Variants in ABCB4 observed in about 807,000 individuals in gnomAD.
The protein encoded by ABCB4 is ATP binding cassette subfamily B member 4, also known as phosphatidylcholine translocator ABCB4.
Under a neutral mutation model 145.7 loss-of-function variants are expected in ABCB4, and 76 were observed. That is an observed-to-expected ratio of 0.52 (90% CI 0.43 to 0.63). ABCB4 has a LOEUF of 0.63. Among genes scored for constraint, ABCB4 ranks in the 30% least tolerant of loss-of-function variants. The pLI, the probability that ABCB4 is intolerant of heterozygous loss-of-function variation, is 0.00. For missense variants in ABCB4, 1,234 were observed against 1,553.1 expected, an observed-to-expected ratio of 0.79 and a Z score of 3.45; for synonymous variants, 517 against 566.8, an observed-to-expected ratio of 0.91 and a Z score of 1.25.
At chr7:87,460,620 TTGTATTTA>T (rs1562996313) in intron 4 of ABCB4, among the ~76,000 whole-genome samples, 12 of 146,344 alleles carry the variant, frequency 8.2e-5, no homozygotes, top group South Asian at 2.1e-4. Flanking sequence ...GGACACAATT[TTGTATTTA>T]TTTATTTATT....
At chr7:87,419,231 T>C (rs1254701350) in intron 19 of ABCB4, among the ~76,000 whole-genome samples, 1 of 152,240 alleles carries the variant, frequency 6.6e-6, no homozygotes, top group African/African-American at 2.4e-5. Context: ...GTTTAGGAGA[T>C]ACTGAAATAG....
At chr7:87,391,844 G>T in the ABCB4 span, 2 of 891,916 alleles carry the variant, frequency 2.2e-6, no homozygotes, top group Admixed American at 3.3e-5. Context: ...TCTTTTCTGA[G>T]GTTTTTAAAG....
intron 3 of ABCB4, among the ~76,000 whole-genome samples, chr7:87,465,161 C>T (rs1812772043): frequency 6.6e-6 from 1 of 152,158 alleles, no homozygotes; most frequent in Admixed American, 6.5e-5. Flanking sequence ...CCTGGAAAAT[C>T]GGGTCACTCT....
rs1808212901 is a variant in ABCB4 at position 87,406,553 on chromosome 7, AG to A, written c.3280-60del. ...TATAAAAAAGAAAAAAAAACTAAAA[AG>A]TTACTAGATTGTCCATTTGGAGGAT... is the stretch of plus-strand genomic sequence containing the variant. On this transcript the variant is annotated intron_variant, in intron 25 of 27. Coordinates refer to ENST00000649586, the MANE Select transcript of ABCB4 (RefSeq NM_000443.4). The A allele has an allele frequency of 3.8e-6, 6 of 1,581,438 alleles. 1 individual carries two copies. In the Admixed American group the frequency reaches 8.6e-5, roughly 23 times the overall value.
At chr7:87,454,617 AT>A in intron 4 of ABCB4, 25 bp from the exon 5 acceptor site, 1 of 1,548,126 alleles carries the variant, frequency 6.5e-7, no homozygotes, top group Non-Finnish European at 8.9e-7. Flanking sequence ...AAAATAAAAC[AT>A]GTTAAAAGAT....
Position 87,447,057 on chromosome 7 carries a change from A to G in ABCB4, c.982T>C (p.Tyr328His). The G allele has an allele frequency of 6.2e-7, 1 of 1,613,546 alleles. No homozygotes were observed. Reference protein sequence around the residue: ...YGSTLVISKEYTIGNAMTVFF... With the variant: ...YGSTLVISKEHTIGNAMTVFF... ...ACTGTCATTGCATTTCCAATAGTAT[A>G]TTCTTTTGATATGACTAGAGTGGAT... is the stretch of plus-strand genomic sequence containing the variant. Residue 328 changes from tyrosine (Y) to histidine (H), a missense_variant, in exon 9 of 28, where the codon TAT becomes CAT. Around this residue, in one of 7 missense-constraint regions of ABCB4, gnomAD observed 467 missense variants for 632.8 expected, o/e 0.74. Transcript: ENST00000649586.
Position 87,451,911 on chromosome 7 carries a change from C to T in ABCB4, c.537-117G>A, listed in dbSNP as rs374564196. 121 of 941,150 alleles carry T rather than the reference C, an allele frequency of 1.3e-4. 1 individual carries two copies. The South Asian group carries it at 1.6e-3, about 12-fold the overall frequency. The allele number at this position is 941,150 out of a possible 1,614,324, so 58.3% of individuals were successfully genotyped here. On this transcript the variant is annotated intron_variant, in intron 6 of 27. Coordinates refer to ENST00000649586, the MANE Select transcript of ABCB4 (RefSeq NM_000443.4). ...TTGTTCACTGACTGCAAGCCTCTTT[C>T]AGAGTCTTAGCCTCTTGAATAACAT...
chr7:87,383,315 CGAGATCAATTTT>C, the ABCB4 span, among the ~76,000 whole-genome samples: 2 of 152,120 alleles, frequency 1.3e-5, no homozygotes, highest in South Asian at 4.1e-4. Flanking sequence ...TCTACTTCCA[CGAGATCAATTTT>C]TTTTAACTCC....
At position 87,470,244 on chromosome 7, in the gene ABCB4, T is replaced by G. The variant is rs191041592; in HGVS notation, c.135+2377A>C. Among the ~76,000 whole-genome samples, 622 of 152,304 alleles carry G rather than the reference T, an allele frequency of 4.1e-3. 3 individuals are homozygous for G. The highest frequency in any genetic ancestry group is 0.014 in the African/African-American group (592 of 41,550). On this transcript the variant is annotated intron_variant, in intron 3 of 27. Transcript: ENST00000649586. ...CAAGATGGATTAAAGACTTACATGT[T>G]AGACCTAAAACCATAAAAACCCTAG... is the stretch of plus-strand genomic sequence containing the variant.
rs1467953065 is a variant in ABCB4, at chr7:87,415,476, AAATCTTTCATATTTCATATTT to A, written c.2683-1780_2683-1760del. On this transcript the variant is annotated intron_variant, in intron 21 of 27. Transcript: ENST00000649586. ...AAACATTTTTAATCTTTCATATTTA[AAATCTTTCATATTTCATATTT>A]AATCTTTCATATTTCATAACCCTAT... 2.0e-5 allele frequency among the ~76,000 whole-genome samples: 3 copies of A among 151,956 alleles called. 1 individual carries two copies. The highest frequency in any genetic ancestry group is 2.9e-5 in the Non-Finnish European group (2 of 67,850).
At chr7:87,453,427 G>T (rs1420951396) in intron 5 of ABCB4, among the ~76,000 whole-genome samples, 1 of 151,918 alleles carries the variant, frequency 6.6e-6, no homozygotes, top group Non-Finnish European at 1.5e-5. Flanking sequence ...CAAGTGATCT[G>T]CTCACCTCCG....
At chr7:87,375,638 G>C in the ABCB4 span, 1 of 1,611,844 alleles carries the variant, frequency 6.2e-7, no homozygotes, top group Non-Finnish European at 8.5e-7. Context: ...TAAGACAACT[G>C]ACATATATCC....
the ABCB4 span, among the ~76,000 whole-genome samples, chr7:87,373,591 A>G: frequency 1.3e-5 from 2 of 152,150 alleles, no homozygotes; most frequent in African/African-American, 4.8e-5. Flanking sequence ...ATATACATTT[A>G]GTTGGAAATG....
At chr7:87,446,065 T>C (rs1022487784) in intron 9 of ABCB4, among the ~76,000 whole-genome samples, 20 of 152,324 alleles carry the variant, frequency 1.3e-4, no homozygotes, top group African/African-American at 4.6e-4. Flanking sequence ...CCAAACCGAC[T>C]GCCAGAGAGA....
intron 25 of ABCB4, 88 bp downstream of exon 25, chr7:87,407,949 A>G: frequency 6.5e-7 from 1 of 1,540,212 alleles, no homozygotes; most frequent in Non-Finnish European, 8.9e-7. Context: ...TTCTAGGTCT[A>G]CATTTGTCCA....
chr7:87,391,570 T>G, the ABCB4 span: 1 of 1,583,664 alleles, frequency 6.3e-7, no homozygotes. Flanking sequence ...TGATACACTC[T>G]TTTAATTTTT....
chr7:87,386,328 C>T, the ABCB4 span, among the ~76,000 whole-genome samples: 2 of 152,084 alleles, frequency 1.3e-5, no homozygotes, highest in Non-Finnish European at 2.9e-5. Context: ...CTTTTTATTG[C>T]TTCAATCATA....
intron 4 of ABCB4, among the ~76,000 whole-genome samples, chr7:87,460,829 A>G (rs1380077822): frequency 6.6e-6 from 1 of 151,988 alleles, no homozygotes; most frequent in Non-Finnish European, 1.5e-5. Flanking sequence ...CATAAGAAAT[A>G]GATTTTTAAC....
chr7:87,376,471 C>A, the ABCB4 span, among the ~76,000 whole-genome samples: 1 of 152,000 alleles, frequency 6.6e-6, no homozygotes, highest in Admixed American at 6.6e-5. Context: ...CCCCTGCCAC[C>A]CCCAGGGTGA....
Sources: allele counts gnomAD v4.1 joint callset (sites outside exome capture counted in the v4.1 genomes callset), GRCh38; gene constraint gnomAD v4.1.1; regional missense constraint gnomAD v4.1.1; transcripts MANE v1.5; gene names NCBI Gene and HGNC (gene_info 2026-07-23, HGNC 2026-07-21).